Variants in CDC42SE2 observed in about 807,000 individuals in gnomAD.
The protein encoded by CDC42SE2 is CDC42 small effector 2.
CDC42SE2 carries 3 observed loss-of-function variants against 11.5 expected under a neutral mutation model. The observed-to-expected ratio is 0.26, with a 90% CI of 0.12 to 0.67. The LOEUF is 0.67. Among genes scored for constraint, CDC42SE2 ranks in the 30% least tolerant of loss-of-function variants. CDC42SE2 has a pLI of 0.80. For synonymous variants in CDC42SE2, 33 were observed against 34.8 expected, an observed-to-expected ratio of 0.95 and a Z score of 0.18; for missense variants, 82 against 106.8, an observed-to-expected ratio of 0.77 and a Z score of 1.02.
At chr5:131,372,384 C>T (rs549235802) in intron 3 of CDC42SE2, among the ~76,000 whole-genome samples, 27 of 151,990 alleles carry the variant, frequency 1.8e-4, no homozygotes, top group Non-Finnish European at 3.2e-4. Context: ...CAAGTTTTTC[C>T]CCTTTTCATG....
intron 2 of CDC42SE2, among the ~76,000 whole-genome samples, chr5:131,332,997 C>T (rs550173271): frequency 6.3e-4 from 96 of 152,188 alleles, no homozygotes; most frequent in African/African-American, 2.2e-3. Context: ...TCAATTTTGG[C>T]TTTTGTTGCC....
chr5:131,223,864 A>G, the CDC42SE2 span, among the ~76,000 whole-genome samples: 4 of 152,262 alleles, frequency 2.6e-5, no homozygotes, highest in Admixed American at 1.3e-4. Context: ...TTTTGCCCAC[A>G]TGACTCCACC....
chr5:131,364,583 T>C (rs534339135), intron 3 of CDC42SE2, among the ~76,000 whole-genome samples: 2 of 152,344 alleles, frequency 1.3e-5, no homozygotes, highest in Non-Finnish European at 2.9e-5. Flanking sequence ...ATACCTATTT[T>C]TTCTAGTGGT....
intron 2 of CDC42SE2, among the ~76,000 whole-genome samples, chr5:131,351,549 C>T (rs773756918): frequency 2.0e-5 from 3 of 152,150 alleles, no homozygotes; most frequent in African/African-American, 2.4e-5. Context: ...CCACCGTGCC[C>T]GGCCTCAGCC....
intron 1 of CDC42SE2, among the ~76,000 whole-genome samples, chr5:131,295,145 TG>T (rs1757542608): frequency 6.7e-6 from 1 of 148,754 alleles, no homozygotes; most frequent in Non-Finnish European, 1.5e-5. Context: ...AAAATAGGCA[TG>T]GAGGTGGGCA....
chr5:131,338,844 A>G (rs1007143624), intron 2 of CDC42SE2, among the ~76,000 whole-genome samples: 5 of 152,128 alleles, frequency 3.3e-5, no homozygotes, highest in Non-Finnish European at 7.4e-5. Context: ...TATAATATCC[A>G]TGTGGTACAG....
chr5:131,347,165 G>A (rs1194147981), intron 2 of CDC42SE2, among the ~76,000 whole-genome samples: 4 of 152,242 alleles, frequency 2.6e-5, no homozygotes, highest in East Asian at 1.9e-4. Context: ...AACTGAAGGA[G>A]ATAGAGACAC....
At chr5:131,252,132 C>G (rs1188708520) in intron 1 of CDC42SE2, among the ~76,000 whole-genome samples, 1 of 150,002 alleles carries the variant, frequency 6.7e-6, no homozygotes, top group Non-Finnish European at 1.5e-5. Flanking sequence ...ACTATAATTT[C>G]AGGTTCTCAC....
At chr5:131,327,582 T>TTA (rs1430197306) in intron 2 of CDC42SE2, among the ~76,000 whole-genome samples, 3 of 152,218 alleles carry the variant, frequency 2.0e-5, no homozygotes, top group Non-Finnish European at 4.4e-5. Flanking sequence ...AAGTTTAAAG[T>TTA]TACTTTAATT....
upstream of CDC42SE2, among the ~76,000 whole-genome samples, chr5:131,243,763 G>T (rs79893838): frequency 0.04 from 6,104 of 152,228 alleles, 380 homozygotes; most frequent in African/African-American, 0.13. Flanking sequence ...TGCTTGTAAA[G>T]TAACTTCTGA....
At chr5:131,374,861 T>C (rs1263875476) in intron 3 of CDC42SE2, among the ~76,000 whole-genome samples, 1 of 152,130 alleles carries the variant, frequency 6.6e-6, no homozygotes, top group Non-Finnish European at 1.5e-5. Flanking sequence ...TGTGGGACTT[T>C]GGCAAGTAAT....
intron 2 of CDC42SE2, among the ~76,000 whole-genome samples, chr5:131,328,041 A>G (rs571881226): frequency 6.6e-6 from 1 of 152,334 alleles, no homozygotes; most frequent in South Asian, 2.1e-4. Flanking sequence ...AACATGAGTG[A>G]GAAGATAGAA....
At chr5:131,336,270 T>G (rs1488944459) in intron 2 of CDC42SE2, among the ~76,000 whole-genome samples, 1 of 152,194 alleles carries the variant, frequency 6.6e-6, no homozygotes, top group Non-Finnish European at 1.5e-5. Context: ...TGAAAATTCT[T>G]AATTCTTTAA....
chr5:131,303,862 T>C (rs967563809), intron 1 of CDC42SE2, among the ~76,000 whole-genome samples: 34 of 152,270 alleles, frequency 2.2e-4, no homozygotes, highest in African/African-American at 8.2e-4. Context: ...AAATGCATTC[T>C]TGTCTTCATA....
At position 131,364,641 on chromosome 5, in the gene CDC42SE2, A is replaced by T. The variant is rs962333043; in HGVS notation, c.54+5094A>T. ...AGAGAGCACTGACAAACCATACTGC[A>T]CACTGTAGCCCAGTGAGCCACTTCA... On this transcript the variant is annotated intron_variant, in intron 3 of 4. Transcript: ENST00000505065. Among the ~76,000 whole-genome samples the T allele has an allele frequency of 2.0e-5, 3 of 152,238 alleles. No homozygotes were observed. In the East Asian group the frequency reaches 5.8e-4, roughly 29 times the overall value.
chr5:131,378,785 T>A lies in CDC42SE2; in HGVS notation c.55-6758T>A, dbSNP rs545350999. Reference sequence around the variant, plus strand: ...ATCAGACTGAACACCACCACCTTCTTTTCTAGTTCCATACTGACTTTTGCA... The same window carrying A: ...ATCAGACTGAACACCACCACCTTCTATTCTAGTTCCATACTGACTTTTGCA... On this transcript the variant is annotated intron_variant, in intron 3 of 4. Transcript: ENST00000505065. Among the ~76,000 whole-genome samples, 45 of 152,354 alleles carry A rather than the reference T, an allele frequency of 3.0e-4. No individual in the cohort carries two copies. In the South Asian group the frequency reaches 9.1e-3, roughly 31 times the overall value.
At chr5:131,301,585 C>G (rs1164800321) in intron 1 of CDC42SE2, among the ~76,000 whole-genome samples, 3 of 151,958 alleles carry the variant, frequency 2.0e-5, no homozygotes, top group Admixed American at 2.0e-4. Context: ...TGGTGATACC[C>G]TGTCTCTACT....
At chr5:131,252,665 A>G (rs895493554) in intron 1 of CDC42SE2, among the ~76,000 whole-genome samples, 2 of 152,058 alleles carry the variant, frequency 1.3e-5, no homozygotes, top group Non-Finnish European at 2.9e-5. Flanking sequence ...CAAAAACAAC[A>G]ACAACAAAAA....
At chr5:131,310,844 C>T (rs1017071847) in intron 1 of CDC42SE2, among the ~76,000 whole-genome samples, 3 of 151,864 alleles carry the variant, frequency 2.0e-5, no homozygotes, top group African/African-American at 4.8e-5. Context: ...TGTCTCTGCA[C>T]GTGAGATGGG....
Sources: gnomAD v4.1 joint callset for allele counts (sites outside exome capture counted in the v4.1 genomes callset) on GRCh38, gnomAD v4.1.1 for gene constraint, MANE v1.5 for transcripts, NCBI Gene and HGNC (gene_info 2026-07-23, HGNC 2026-07-21) for gene names.